Variants in PXDNL observed in about 807,000 individuals in gnomAD.
PXDNL encodes the protein peroxidasin like, also known as probable oxidoreductase PXDNL.
In PXDNL, 145 loss-of-function variants were observed where a neutral mutation model predicts 150.8. The observed-to-expected ratio is 0.96, with a 90% confidence interval of 0.84 to 1.10. The LOEUF (loss-of-function observed/expected upper bound fraction) is 1.10. Among genes scored for constraint, PXDNL ranks in the 50% least tolerant of loss-of-function variants. The pLI, the probability that PXDNL is intolerant of heterozygous loss-of-function variation, is 0.00. For missense variants in PXDNL, 2,087 were observed against 1,873.9 expected, an observed-to-expected ratio of 1.11 and a Z score of -2.10; for synonymous variants, 757 against 725.7, an observed-to-expected ratio of 1.04 and a Z score of -0.69.
chr8:51,454,049 C>A (rs1809872599), intron 9 of PXDNL, among the ~76,000 whole-genome samples: 1 of 152,192 alleles, frequency 6.6e-6, no homozygotes, highest in Non-Finnish European at 1.5e-5. Flanking sequence ...AGCACCTACA[C>A]AATACATATT....
At chr8:51,468,056 G>A (rs1395657694) in intron 8 of PXDNL, among the ~76,000 whole-genome samples, 2 of 151,922 alleles carry the variant, frequency 1.3e-5, no homozygotes, top group Non-Finnish European at 2.9e-5. Context: ...TTGATTCTTG[G>A]CTATGAGTTG....
At position 51,486,769 on chromosome 8, in the gene PXDNL, TATATATATATATATATA is replaced by T. The variant is rs1563433383; in HGVS notation, c.453-3072_453-3056del. On this transcript the variant is annotated intron_variant, in intron 5 of 22. Coordinates refer to ENST00000356297, the MANE Select transcript of PXDNL (RefSeq NM_144651.5). ...AAAAGTTTATATATATATATATATA[TATATATATATATATATA>T]TATATATATTTTTTTTTTTTTTTTT... Among the ~76,000 whole-genome samples the T allele has an allele frequency of 3.4e-3, 28 of 8,330 alleles. 1 individual carries two copies. Among genetic ancestry groups the T allele is most frequent in the African/African-American group, 7.0e-3 (28 of 4,000 alleles). The allele number at this position is 8,330 out of a possible 152,430, so 5.5% of individuals were successfully genotyped here. A position where few individuals can be genotyped will look rare whatever the true frequency, so the allele number is the denominator to read the frequency against.
chr8:51,589,180 C>T (rs996956560), intron 3 of PXDNL, among the ~76,000 whole-genome samples: 2 of 152,180 alleles, frequency 1.3e-5, no homozygotes, highest in African/African-American at 4.8e-5. Flanking sequence ...AGCTCCCAGC[C>T]TCCAGAACCA....
At position 51,560,076 on chromosome 8, in the gene PXDNL, T is replaced by C. The variant is rs1342087714; in HGVS notation, c.309-3165A>G. Among the ~76,000 whole-genome samples, 3 of 152,054 alleles carry C rather than the reference T, an allele frequency of 2.0e-5. No homozygotes were observed. In the East Asian group the frequency reaches 5.8e-4, roughly 30 times the overall value. On this transcript the variant is annotated intron_variant, in intron 3 of 22. Transcript: ENST00000356297. ...TATTTCATTTACAATAGCTTATAAA[T>C]AATAAGCTACCTAGGAATAAACTTA...
intron 2 of PXDNL, among the ~76,000 whole-genome samples, chr8:51,642,759 T>C: frequency 6.6e-6 from 1 of 152,226 alleles, no homozygotes; most frequent in East Asian, 1.9e-4. Context: ...ATTTTCCCTG[T>C]CTGCAGATGA....
intron 2 of PXDNL, among the ~76,000 whole-genome samples, chr8:51,624,461 A>T (rs1467742595): frequency 6.6e-6 from 1 of 152,042 alleles, no homozygotes; most frequent in Non-Finnish European, 1.5e-5. Flanking sequence ...TAGTATTCTT[A>T]CTGCAGTCAT....
chr8:51,537,665 C>G (rs1192484013), intron 4 of PXDNL, among the ~76,000 whole-genome samples: 1 of 152,150 alleles, frequency 6.6e-6, no homozygotes, highest in Admixed American at 6.5e-5. Flanking sequence ...GAAGAGCCCC[C>G]AAAGGATATC....
chr8:51,645,741 G>A (rs996571360), intron 2 of PXDNL, among the ~76,000 whole-genome samples: 1 of 152,142 alleles, frequency 6.6e-6, no homozygotes, highest in East Asian at 1.9e-4. Flanking sequence ...GAGCAAATTT[G>A]GTAAAATATA....
chr8:51,566,122 T>C (rs562421862), intron 3 of PXDNL, among the ~76,000 whole-genome samples: 1 of 152,054 alleles, frequency 6.6e-6, no homozygotes, highest in African/African-American at 2.4e-5. Flanking sequence ...GATTTTCAAA[T>C]GTTGAACCAC....
chr8:51,394,626 AT>A (rs1808022303), intron 17 of PXDNL, among the ~76,000 whole-genome samples: 1 of 152,178 alleles, frequency 6.6e-6, no homozygotes, highest in African/African-American at 2.4e-5. Context: ...GACATAGGGA[AT>A]GTTAAGTAAA....
At chr8:51,461,926 C>T (rs1422838902) in intron 8 of PXDNL, among the ~76,000 whole-genome samples, 2 of 152,198 alleles carry the variant, frequency 1.3e-5, no homozygotes, top group Non-Finnish European at 2.9e-5. Context: ...TCAGCCCTTA[C>T]TCTTAAGCAC....
chr8:51,735,461 G>T (rs1453202491), intron 1 of PXDNL, among the ~76,000 whole-genome samples: 1 of 151,568 alleles, frequency 6.6e-6, no homozygotes, highest in Admixed American at 6.6e-5. Flanking sequence ...CCCCAGCCTG[G>T]GCAAGAGAGC....
chr8:51,742,679 T>A (rs958666196), intron 1 of PXDNL, among the ~76,000 whole-genome samples: 1 of 151,550 alleles, frequency 6.6e-6, no homozygotes, highest in African/African-American at 2.4e-5. Flanking sequence ...ATTTTACATA[T>A]AAATGTATAT....
In PXDNL at chr8:51,457,686, CA is replaced by C; in HGVS notation, c.813-20del. 1 of 1,590,252 alleles carries C rather than the reference CA, an allele frequency of 6.3e-7. No homozygotes were observed. Among genetic ancestry groups the C allele is most frequent in the African/African-American group, 1.3e-5 (1 of 74,544 alleles). On this transcript the variant is annotated intron_variant, in intron 8 of 22. Coordinates refer to ENST00000356297, the MANE Select transcript of PXDNL (RefSeq NM_144651.5). ...TGAGTGGCTGGAAATATAGGTTATA[CA>C]TGTATATTATTTAATCCCATTCATG...
chr8:51,567,540 TG>T (rs1300240405), intron 3 of PXDNL, among the ~76,000 whole-genome samples: 1 of 151,892 alleles, frequency 6.6e-6, no homozygotes, highest in Non-Finnish European at 1.5e-5. Context: ...CAATACTTTT[TG>T]TTTTTGTCCT....
At chr8:51,638,663 TATATGCACCCAATACAGGAGCA>T (rs2130771502) in intron 2 of PXDNL, among the ~76,000 whole-genome samples, 1 of 152,272 alleles carries the variant, frequency 6.6e-6, no homozygotes, top group East Asian at 1.9e-4. Flanking sequence ...ATCCTAAATA[TATATGCACCCAATACAGGAGCA>T]CCCAGATTCA....
chr8:51,737,616 A>G (rs916236524), intron 1 of PXDNL, among the ~76,000 whole-genome samples: 4 of 152,214 alleles, frequency 2.6e-5, no homozygotes, highest in African/African-American at 9.6e-5. Context: ...TCTCACCTGC[A>G]TAACCAACTC....
At position 51,499,706 on chromosome 8, in the gene PXDNL, C is replaced by G. The variant is rs753355465; in HGVS notation, c.445G>C (p.Glu149Gln). 7 of 1,611,304 alleles carry G rather than the reference C, an allele frequency of 4.3e-6. No individual in the cohort carries two copies. In the Admixed American group the frequency reaches 5.0e-5, roughly 12 times the overall value. Reference sequence around the variant, plus strand: ...TAAAGGGTCAACACTTACAGTCGCTCTAATCTCAGAAGGTCTCCAAAGGTC... The same window carrying G: ...TAAAGGGTCAACACTTACAGTCGCTGTAATCTCAGAAGGTCTCCAAAGGTC... Reference protein sequence around the residue: ...PETFGDLLRLERLFLHNNKLS... With the variant: ...PETFGDLLRLQRLFLHNNKLS... The change falls in exon 5 of 23, where the codon GAG becomes CAG. Residue 149 changes from glutamate to glutamine, a missense_variant. Transcript: ENST00000356297.
At chr8:51,785,553 T>C (rs1339408641) in intron 1 of PXDNL, among the ~76,000 whole-genome samples, 1 of 152,252 alleles carries the variant, frequency 6.6e-6, no homozygotes, top group African/African-American at 2.4e-5. Context: ...TGGGTAATTC[T>C]CCCAATATTT....
Sources: allele counts gnomAD v4.1 joint callset (sites outside exome capture counted in the v4.1 genomes callset), GRCh38; gene constraint gnomAD v4.1.1; transcripts MANE v1.5; gene names NCBI Gene and HGNC (gene_info 2026-07-23, HGNC 2026-07-21).